Variants in ASNS observed in about 807,000 individuals in gnomAD.
The protein encoded by ASNS is asparagine synthetase [glutamine-hydrolyzing].
Under a neutral mutation model 62.6 loss-of-function variants are expected in ASNS, and 37 were observed. The ratio of observed to expected loss-of-function variants is 0.59; its 90% CI spans 0.45 to 0.78. ASNS has a LOEUF of 0.78. ASNS is among the 30% of genes least tolerant of loss of function. The pLI is 0.00. For missense variants in ASNS, 520 were observed against 682.4 expected (o/e 0.76, Z 2.65); for synonymous variants, 207 against 237.9 (o/e 0.87, Z 1.19).
intron 2 of ASNS, 77 bp downstream of exon 2, chr7:97,869,701 A>G (rs1792159686): frequency 6.5e-6 from 1 of 154,480 alleles, no homozygotes. Context: ...TAATGGGTAC[A>G]ACAGAAAATC....
the ASNS span, among the ~76,000 whole-genome samples, chr7:97,879,499 A>G: frequency 6.6e-6 from 1 of 152,176 alleles, no homozygotes; most frequent in Admixed American, 6.5e-5. Context: ...TCTTGCTAGG[A>G]GGCTATCTTG....
chr7:97,927,891 C>G, the ASNS span, among the ~76,000 whole-genome samples: 1 of 152,290 alleles, frequency 6.6e-6, no homozygotes, highest in Non-Finnish European at 1.5e-5. Context: ...AACCCCAAGA[C>G]TGGGCAGGGG....
chr7:97,903,284 A>G, the ASNS span, among the ~76,000 whole-genome samples: 1 of 150,134 alleles, frequency 6.7e-6, no homozygotes, highest in East Asian at 2.0e-4. Context: ...CTTTAGAGCT[A>G]GGATTTAGTT....
In ASNS at chr7:97,858,948, C is replaced by G; in HGVS notation, c.681G>C (p.Glu227Asp). 1 of 1,611,604 alleles carries G rather than the reference C, an allele frequency of 6.2e-7. No homozygotes were observed. Among genetic ancestry groups the G allele is most frequent in the South Asian group, 1.1e-5 (1 of 90,216 alleles). Reference sequence around the variant, plus strand: ...TGAGGTTGTTCTTCACAGTTTCTATCTCAAAACCTATAAACACAGCAGTAA... The same window carrying G: ...TGAGGTTGTTCTTCACAGTTTCTATGTCAAAACCTATAAACACAGCAGTAA... ...DNVEKLFPGF[E>D]IETVKNNLRI... Residue 227 changes from glutamate to aspartate, a missense_variant, in exon 6 of 13, where the codon GAG becomes GAC. Coordinates refer to ENST00000394308, the MANE Select transcript of ASNS (RefSeq NM_001673.5).
the ASNS span, among the ~76,000 whole-genome samples, chr7:97,881,125 A>G: frequency 1.3e-5 from 2 of 152,178 alleles, no homozygotes; most frequent in Non-Finnish European, 2.9e-5. Context: ...TATTTTTAAT[A>G]GAGATAGGGT....
chr7:97,904,431 T>C, the ASNS span, among the ~76,000 whole-genome samples: 1 of 152,122 alleles, frequency 6.6e-6, no homozygotes, highest in Admixed American at 6.6e-5. Context: ...TTCTCACTCA[T>C]GCTACATCTG....
chr7:97,894,202 A>G, the ASNS span, among the ~76,000 whole-genome samples: 1 of 152,088 alleles, frequency 6.6e-6, no homozygotes, highest in African/African-American at 2.4e-5. Context: ...TGCAAAACCT[A>G]TGGGATACAA....
the ASNS span, among the ~76,000 whole-genome samples, chr7:97,896,371 A>G: frequency 2.8e-4 from 43 of 151,328 alleles, no homozygotes; most frequent in East Asian, 5.9e-3. Flanking sequence ...GGTGGATCAC[A>G]AGGTCAGGAG....
At chr7:97,914,466 G>A in the ASNS span, among the ~76,000 whole-genome samples, 1 of 152,186 alleles carries the variant, frequency 6.6e-6, no homozygotes, top group Non-Finnish European at 1.5e-5. Context: ...AAGATGTTGA[G>A]TGATGACAGC....
upstream of ASNS, among the ~76,000 whole-genome samples, chr7:97,875,328 AG>A (rs1792415736): frequency 6.6e-6 from 1 of 152,218 alleles, no homozygotes; most frequent in Admixed American, 6.5e-5. Context: ...TAGTAGAGAC[AG>A]GATTTCACCA....
At chr7:97,884,501 G>T in the ASNS span, among the ~76,000 whole-genome samples, 2 of 150,592 alleles carry the variant, frequency 1.3e-5, no homozygotes, top group East Asian at 1.9e-4. Context: ...GTGAGCCAAG[G>T]TCGCACCACT....
upstream of ASNS, among the ~76,000 whole-genome samples, chr7:97,874,161 C>T (rs1792387685): frequency 1.3e-5 from 2 of 152,176 alleles, no homozygotes; most frequent in South Asian, 4.1e-4. Context: ...CCTAGGTGCG[C>T]ATTCTCTTTC....
chr7:97,868,519 A>ATG lies in ASNS; in HGVS notation c.249+387_249+388dup, dbSNP rs61611439. 4.7e-3 allele frequency among the ~76,000 whole-genome samples: 577 copies of ATG among 122,982 alleles called. 1 individual carries two copies. The highest frequency in any genetic ancestry group is 0.022 in the Middle Eastern group (5 of 226). 80.7% of individuals were successfully genotyped at this position (122,982 alleles called of 152,430 possible). ...TACTCTCAAATGATTCAGCAAAAAC[A>ATG]TGTGTGTGTGTGTGTGTGTGTGTGT... On this transcript the variant is annotated intron_variant, in intron 3 of 12. Transcript: ENST00000394308.
chr7:97,861,734 A>T (rs1791729038), intron 4 of ASNS, among the ~76,000 whole-genome samples: 1 of 152,208 alleles, frequency 6.6e-6, no homozygotes, highest in Non-Finnish European at 1.5e-5. Flanking sequence ...GATCAAGTTA[A>T]ATCTGTAAAT....
At chr7:97,892,536 G>T in the ASNS span, among the ~76,000 whole-genome samples, 2 of 151,892 alleles carry the variant, frequency 1.3e-5, no homozygotes, top group African/African-American at 4.8e-5. Context: ...AAAACTGAAG[G>T]CCTTTAACAG....
the ASNS span, among the ~76,000 whole-genome samples, chr7:97,885,490 C>T: frequency 4.6e-5 from 7 of 152,224 alleles, no homozygotes; most frequent in African/African-American, 1.2e-4. Context: ...TTTCCTCACC[C>T]TGTGAGACTG....
At chr7:97,917,680 C>T in the ASNS span, among the ~76,000 whole-genome samples, 473 of 152,334 alleles carry the variant, frequency 3.1e-3, 2 homozygotes, top group African/African-American at 0.011. Context: ...GTTTCTGCTG[C>T]CATTGCCCTA....
At chr7:97,898,603 A>G in the ASNS span, 2 of 635,266 alleles carry the variant, frequency 3.1e-6, no homozygotes, top group Non-Finnish European at 5.7e-6. Context: ...TGCATCTCTC[A>G]GGTCATGATT....
the ASNS span, among the ~76,000 whole-genome samples, chr7:97,894,864 C>T: frequency 3.9e-4 from 59 of 152,310 alleles, no homozygotes; most frequent in African/African-American, 1.3e-3. Context: ...CTTCCTAACT[C>T]ATTGTATAAG....
Sources: gnomAD v4.1 joint callset for allele counts (sites outside exome capture counted in the v4.1 genomes callset) on GRCh38, gnomAD v4.1.1 for gene constraint, MANE v1.5 for transcripts, NCBI Gene and HGNC (gene_info 2026-07-23, HGNC 2026-07-21) for gene names.